The following TNFSF11 variants were observed in gnomAD, a reference collection of about 807,000 sequenced individuals.
The protein encoded by TNFSF11 is tumor necrosis factor ligand superfamily member 11.
In TNFSF11, 12 loss-of-function variants were observed where a neutral mutation model predicts 32.2. That is an observed-to-expected ratio of 0.37 (90% CI 0.24 to 0.60). The LOEUF (loss-of-function observed/expected upper bound fraction) is 0.60. Among genes scored for constraint, TNFSF11 ranks in the 20% least tolerant of loss-of-function variants. The pLI is 0.66. For missense variants in TNFSF11, 345 were observed against 398.0 expected (o/e 0.87, Z 1.13); for synonymous variants, 172 against 152.1 (o/e 1.13, Z -0.96).
chr13:42,606,887 T>G lies in TNFSF11; in HGVS notation c.923T>G (p.Phe308Cys). ...LLDPDQDATY[F>C]GAFKVRDID is the part of the protein sequence containing the mutation. ...GATCCGGATCAGGATGCAACATACTTTGGGGCTTTTAAAGTTCGAGATATA... is the reference window on the plus strand; with the variant it reads ...GATCCGGATCAGGATGCAACATACTGTGGGGCTTTTAAAGTTCGAGATATA... Residue 308 changes from phenylalanine to cysteine, a missense_variant, in exon 5 of 5, where the codon TTT becomes TGT. This residue lies in a region of TNFSF11 where 148 missense variants were observed against 216.0 expected (regional missense o/e 0.69). Transcript: ENST00000398795. The G allele has an allele frequency of 6.2e-7, 1 of 1,614,194 alleles. No homozygotes were observed. The highest frequency in any genetic ancestry group is 8.5e-7 in the Non-Finnish European group (1 of 1,180,028).
In TNFSF11 at chr13:42,606,917, G is replaced by A. The variant is rs202014115; in HGVS notation, c.953G>A (p.Ter318=). Residue 318 remains the stop codon, a stop_retained_variant, in exon 5 of 5, where the codon TGA becomes TAA. Coordinates refer to ENST00000398795, the MANE Select transcript of TNFSF11 (RefSeq NM_003701.4). ...FGAFKVRDID[*] is the part of the protein sequence containing the mutation. ...GCTTTTAAAGTTCGAGATATAGATT[G>A]AGCCCCAGTTTTTGGAGTGTTATGT... 13 of 1,614,160 alleles carry A rather than the reference G, an allele frequency of 8.1e-6. No individual in the cohort carries two copies. Among genetic ancestry groups the A allele is most frequent in the Non-Finnish European group, 8.5e-6 (10 of 1,180,032 alleles).
chr13:42,589,807 C>A (rs956105563), intron 2 of TNFSF11, among the ~76,000 whole-genome samples: 1 of 152,226 alleles, frequency 6.6e-6, no homozygotes, highest in African/African-American at 2.4e-5. Flanking sequence ...GACTCCTAGC[C>A]TCCATCGGTA....
intron 1 of TNFSF11, among the ~76,000 whole-genome samples, chr13:42,580,213 G>A: frequency 6.6e-6 from 1 of 152,178 alleles, no homozygotes; most frequent in Admixed American, 6.5e-5. Context: ...GCTAATTATT[G>A]TTACCCTTTA....
At chr13:42,602,542 T>A (rs1041322750) in intron 4 of TNFSF11, among the ~76,000 whole-genome samples, 1 of 152,184 alleles carries the variant, frequency 6.6e-6, no homozygotes, top group Non-Finnish European at 1.5e-5. Flanking sequence ...TTTAGAGGAT[T>A]TTCCAAATGA....
intron 2 of TNFSF11, among the ~76,000 whole-genome samples, chr13:42,591,120 A>G (rs1329381752): frequency 6.6e-6 from 1 of 152,200 alleles, no homozygotes; most frequent in Non-Finnish European, 1.5e-5. Flanking sequence ...CTGATTCAGT[A>G]GGAGCTGGAG....
chr13:42,605,165 C>T (rs1420562043), intron 4 of TNFSF11, among the ~76,000 whole-genome samples: 1 of 152,166 alleles, frequency 6.6e-6, no homozygotes, highest in Non-Finnish European at 1.5e-5. Context: ...CTGGAATCCA[C>T]TATAAGTCTT....
intron 2 of TNFSF11, among the ~76,000 whole-genome samples, chr13:42,590,213 C>T (rs1417325186): frequency 6.6e-6 from 1 of 152,246 alleles, no homozygotes; most frequent in African/African-American, 2.4e-5. Context: ...GTGACCTGTG[C>T]CCTATGTGTG....
At chr13:42,570,119 G>T (rs1223656896), upstream of TNFSF11, among the ~76,000 whole-genome samples, 4 of 152,116 alleles carry the variant, frequency 2.6e-5, no homozygotes, top group Non-Finnish European at 4.4e-5. Context: ...GAATGTAAAA[G>T]GTTTGAAAAT....
intron 2 of TNFSF11, among the ~76,000 whole-genome samples, chr13:42,599,697 G>A (rs1869060980): frequency 6.6e-6 from 1 of 152,058 alleles, no homozygotes; most frequent in Admixed American, 6.6e-5. Context: ...AGCCTCTTGA[G>A]TAGCTGGGAT....
intron 2 of TNFSF11, among the ~76,000 whole-genome samples, chr13:42,597,898 G>A (rs1165053658): frequency 6.6e-6 from 1 of 151,898 alleles, no homozygotes. Flanking sequence ...CACCTAGGCT[G>A]GAGTGCAGTG....
intron 2 of TNFSF11, among the ~76,000 whole-genome samples, chr13:42,586,214 G>A (rs1165691625): frequency 6.6e-6 from 1 of 152,204 alleles, no homozygotes; most frequent in Non-Finnish European, 1.5e-5. Flanking sequence ...GAAGCTGCAA[G>A]CTCCATCAGG....
At chr13:42,564,436 A>G (rs935116852) in intron 1 of TNFSF11, among the ~76,000 whole-genome samples, 2 of 152,106 alleles carry the variant, frequency 1.3e-5, no homozygotes, top group Non-Finnish European at 2.9e-5. Flanking sequence ...GCGTGGTGGC[A>G]CATGACTGCA....
intron 2 of TNFSF11, among the ~76,000 whole-genome samples, chr13:42,582,077 A>G (rs1056662452): frequency 7.2e-5 from 11 of 152,172 alleles, no homozygotes; most frequent in Admixed American, 3.3e-4. Flanking sequence ...ACCTGCATGC[A>G]TGCATCCACT....
At position 42,580,762 on chromosome 13, in the gene TNFSF11, G is replaced by C. The variant is rs574025154; in HGVS notation, c.220-364G>C. On this transcript the variant is annotated intron_variant, in intron 1 of 4. Transcript: ENST00000398795. ...CATATAGTTGATTTAAAGACAAAAA[G>C]CTTCCTCTGCCTTCAGTGACCACAT... Among the ~76,000 whole-genome samples, 41 of 152,234 alleles carry C rather than the reference G, an allele frequency of 2.7e-4. 1 individual carries two copies. In the South Asian group the frequency reaches 7.5e-3, roughly 28 times the overall value.
At chr13:42,600,174 C>CTATTTG (rs1869090966) in intron 2 of TNFSF11, among the ~76,000 whole-genome samples, 1 of 152,156 alleles carries the variant, frequency 6.6e-6, no homozygotes, top group Non-Finnish European at 1.5e-5. Context: ...TTCTAATCCT[C>CTATTTG]TATTTGTGGC....
chr13:42,575,775 T>C (rs1873279987), intron 1 of TNFSF11, among the ~76,000 whole-genome samples: 1 of 152,262 alleles, frequency 6.6e-6, no homozygotes. Flanking sequence ...GAGAGTTTTG[T>C]TGTTTCTAAA....
intron 2 of TNFSF11, among the ~76,000 whole-genome samples, chr13:42,584,947 C>T (rs1487022255): frequency 6.6e-6 from 1 of 152,186 alleles, no homozygotes; most frequent in Admixed American, 6.5e-5. Flanking sequence ...ATTTCTTCCC[C>T]TTAGACAGGA....
chr13:42,595,084 T>A (rs1250343537), intron 2 of TNFSF11, among the ~76,000 whole-genome samples: 1 of 152,180 alleles, frequency 6.6e-6, no homozygotes, highest in Non-Finnish European at 1.5e-5. Flanking sequence ...AATATCCTCA[T>A]CTCTATTGTT....
chr13:42,590,737 A>C (rs1335741980), intron 2 of TNFSF11, among the ~76,000 whole-genome samples: 1 of 152,226 alleles, frequency 6.6e-6, no homozygotes, highest in South Asian at 2.1e-4. Context: ...CGGGCTCTTT[A>C]TGAAGACTAA....
Sources: gnomAD v4.1 joint callset for allele counts (sites outside exome capture counted in the v4.1 genomes callset) on GRCh38, gnomAD v4.1.1 for gene constraint, gnomAD v4.1.1 regional missense constraint, MANE v1.5 for transcripts, NCBI Gene and HGNC (gene_info 2026-07-23, HGNC 2026-07-21) for gene names.